Variants in C9 observed in about 807,000 individuals in gnomAD.
The protein encoded by C9 is complement component C9.
C9 carries 63 observed loss-of-function variants against 65.4 expected under a neutral mutation model. That is an observed-to-expected ratio of 0.96 (90% CI 0.79 to 1.19). C9 has a LOEUF of 1.19. C9 is among the 50% of genes most tolerant of loss of function. C9 has a pLI of 0.00. For synonymous variants in C9, 229 were observed against 227.9 expected, an observed-to-expected ratio of 1.00 and a Z score of -0.04; for missense variants, 744 against 670.1, an observed-to-expected ratio of 1.11 and a Z score of -1.22.
At chr5:39,291,130 G>A (rs1469334838) in intron 9 of C9, among the ~76,000 whole-genome samples, 2 of 151,840 alleles carry the variant, frequency 1.3e-5, no homozygotes, top group African/African-American at 2.4e-5. Flanking sequence ...CAGCTATGGT[G>A]GCTGCCAATG....
chr5:39,357,638 C>T (rs979285059), intron 1 of C9, among the ~76,000 whole-genome samples: 3 of 152,078 alleles, frequency 2.0e-5, no homozygotes, highest in Non-Finnish European at 2.9e-5. Flanking sequence ...CAAAGCAGAC[C>T]GGGTAAGAGG....
At position 39,285,093 on chromosome 5, in the gene C9, A is replaced by G; in HGVS notation, c.*106T>C. ...GACTTCAGAGGTTGGTAGGATTTTC[A>G]TGAAGCATGTTGCTATTTACTTGGC... is the stretch of plus-strand genomic sequence containing the variant. On this transcript the variant is annotated 3_prime_UTR_variant, in exon 11 of 11. Coordinates refer to ENST00000263408, the MANE Select transcript of C9 (RefSeq NM_001737.5). The G allele has an allele frequency of 1.1e-6, 1 of 938,942 alleles. No homozygotes were observed. The highest frequency in any genetic ancestry group is 1.8e-6 in the Non-Finnish European group (1 of 568,452). 58.2% of individuals were successfully genotyped at this position (938,942 alleles called of 1,614,324 possible). A position where few individuals can be genotyped will look rare whatever the true frequency, so the allele number is the denominator to read the frequency against.
chr5:39,311,030 T>C, intron 7 of C9, 107 bp downstream of exon 7: 1 of 1,271,792 alleles, frequency 7.9e-7, no homozygotes, highest in African/African-American at 1.5e-5. Flanking sequence ...AGGAGCAGGT[T>C]ACAGGGCTTT....
chr5:39,361,471 A>G (rs536786185), intron 1 of C9, among the ~76,000 whole-genome samples: 1 of 152,352 alleles, frequency 6.6e-6, no homozygotes, highest in South Asian at 2.1e-4. Context: ...AATGATAGCT[A>G]CACTCACAGA....
At chr5:39,330,611 ATAAT>A (rs946311815) in intron 5 of C9, among the ~76,000 whole-genome samples, 1 of 152,240 alleles carries the variant, frequency 6.6e-6, no homozygotes, top group Non-Finnish European at 1.5e-5. Context: ...CTTTTTAAAA[ATAAT>A]TGTCATCTTT....
chr5:39,303,718 G>A (rs761140247), intron 9 of C9, among the ~76,000 whole-genome samples: 1 of 151,958 alleles, frequency 6.6e-6, no homozygotes, highest in Non-Finnish European at 1.5e-5. Flanking sequence ...CTCAGCTGGG[G>A]TCACTGTCTG....
At chr5:39,319,854 T>C (rs1295615844) in intron 5 of C9, among the ~76,000 whole-genome samples, 1 of 152,018 alleles carries the variant, frequency 6.6e-6, no homozygotes, top group African/African-American at 2.4e-5. Context: ...GGTTGACCTC[T>C]ATGGATACAG....
At chr5:39,303,137 C>T (rs919565541) in intron 9 of C9, among the ~76,000 whole-genome samples, 3 of 152,132 alleles carry the variant, frequency 2.0e-5, no homozygotes, top group African/African-American at 4.8e-5. Context: ...TCTTAGCTGA[C>T]ATTTTAATAA....
chr5:39,287,262 C>T (rs1753005632), intron 10 of C9, among the ~76,000 whole-genome samples: 1 of 151,860 alleles, frequency 6.6e-6, no homozygotes, highest in South Asian at 2.1e-4. Flanking sequence ...AATTATTTGT[C>T]TAGGCCAATG....
At chr5:39,357,907 T>C (rs1024232428) in intron 1 of C9, among the ~76,000 whole-genome samples, 3 of 152,166 alleles carry the variant, frequency 2.0e-5, no homozygotes, top group African/African-American at 4.8e-5. Context: ...TATCTAAAGA[T>C]ATTTGCTTGA....
chr5:39,328,735 G>A (rs904477394), intron 5 of C9, among the ~76,000 whole-genome samples: 1 of 152,156 alleles, frequency 6.6e-6, no homozygotes, highest in African/African-American at 2.4e-5. Context: ...ATAAATGAGG[G>A]TGAGAGCTGA....
intron 1 of C9, among the ~76,000 whole-genome samples, chr5:39,363,641 A>G (rs1429348415): frequency 6.6e-6 from 1 of 152,154 alleles, no homozygotes; most frequent in African/African-American, 2.4e-5. Context: ...GTCTACTCTG[A>G]TGACTCCAGG....
chr5:39,328,207 C>T (rs774451235), intron 5 of C9, among the ~76,000 whole-genome samples: 4 of 152,168 alleles, frequency 2.6e-5, no homozygotes, highest in African/African-American at 7.2e-5. Flanking sequence ...AAAGTAAGTA[C>T]ACAGAATAAC....
In C9 at chr5:39,288,934, A is replaced by T; in HGVS notation, c.1434T>A (p.Asn478Lys). Residue 478 changes from asparagine (N) to lysine (K), a missense_variant, in exon 10 of 11, where the codon AAT becomes AAA. Asn to Lys is a moderately conservative substitution (Grantham distance 94, BLOSUM62 0). Coordinates refer to ENST00000263408, the MANE Select transcript of C9 (RefSeq NM_001737.5). ...LISQKLSPIY[N>K]LVPVKMKNAH... is the part of the protein sequence containing the mutation. ...CATTTTTCATTTTCACTGGAACCAG[A>T]TTATATATAGGAGACAGCTGAAAGG... 1 of 1,600,180 alleles carries T rather than the reference A, an allele frequency of 6.2e-7. No homozygotes were observed. Among genetic ancestry groups the T allele is most frequent in the Non-Finnish European group, 8.6e-7 (1 of 1,167,894 alleles).
intron 1 of C9, among the ~76,000 whole-genome samples, chr5:39,353,495 T>C (rs1754358514): frequency 1.3e-5 from 2 of 152,322 alleles, no homozygotes; most frequent in Non-Finnish European, 2.9e-5. Context: ...CTTTTAACCA[T>C]GCTATTCACT....
intron 1 of C9, among the ~76,000 whole-genome samples, chr5:39,361,053 C>G (rs835221): frequency 0.41 from 62,293 of 151,152 alleles, 12,777 homozygotes; most frequent in Middle Eastern, 0.51. Flanking sequence ...TCAGCTATGA[C>G]AATGAGGAAG....
intron 7 of C9, among the ~76,000 whole-genome samples, chr5:39,309,522 C>A (rs919972508): frequency 6.6e-6 from 1 of 151,972 alleles, no homozygotes; most frequent in Admixed American, 6.6e-5. Context: ...GGATAAAAAT[C>A]GAAGACAATA....
At chr5:39,295,437 A>G (rs911926443) in intron 9 of C9, among the ~76,000 whole-genome samples, 2 of 151,834 alleles carry the variant, frequency 1.3e-5, no homozygotes, top group African/African-American at 2.4e-5. Context: ...AAAAGAATGC[A>G]AAAAGTCAAT....
At chr5:39,297,930 A>C (rs1442237242) in intron 9 of C9, among the ~76,000 whole-genome samples, 1 of 151,662 alleles carries the variant, frequency 6.6e-6, no homozygotes, top group Non-Finnish European at 1.5e-5. Flanking sequence ...TATGCCTTAA[A>C]AATACTCAAT....
Sources: gnomAD v4.1 joint callset for allele counts (sites outside exome capture counted in the v4.1 genomes callset) on GRCh38, gnomAD v4.1.1 for gene constraint, MANE v1.5 for transcripts, NCBI Gene and HGNC (gene_info 2026-07-23, HGNC 2026-07-21) for gene names.